Variants in PHF24 observed in about 807,000 individuals in gnomAD.
PHF24 encodes Galpha inhibitory interacting protein.
PHF24 carries 25 observed loss-of-function variants against 42.6 expected under a neutral mutation model. The observed-to-expected ratio is 0.59, with a 90% CI of 0.43 to 0.82. PHF24 has a LOEUF of 0.82. Ranked by LOEUF, PHF24 falls within the 40% of genes least tolerant of loss-of-function variation. The pLI is 0.00. For synonymous variants in PHF24, 185 were observed against 204.8 expected (o/e 0.90, Z 0.83); for missense variants, 470 against 538.1 (o/e 0.87, Z 1.25).
At chr9:34,691,420 G>A in the PHF24 span, 2 of 452,582 alleles carry the variant, frequency 4.4e-6, no homozygotes, top group Non-Finnish European at 8.0e-6. Flanking sequence ...TCCCCCTGCG[G>A]TTGCCCTTTC....
chr9:34,724,839 C>T, the PHF24 span: 1 of 1,548,610 alleles, frequency 6.5e-7, no homozygotes, highest in Non-Finnish European at 8.7e-7. Context: ...ACTGCCGGGG[C>T]CAGGGCCCTG....
chr9:34,734,398 A>G, the PHF24 span, among the ~76,000 whole-genome samples: 1 of 152,220 alleles, frequency 6.6e-6, no homozygotes, highest in African/African-American at 2.4e-5. Context: ...TTCACAAGAA[A>G]GACTGGGGGT....
the PHF24 span, among the ~76,000 whole-genome samples, chr9:34,765,820 A>G: frequency 2.6e-4 from 40 of 151,948 alleles, no homozygotes; most frequent in African/African-American, 9.4e-4. Flanking sequence ...ATTTGGCATG[A>G]TTTTGCAGTG....
At chr9:34,720,952 G>A in the PHF24 span, among the ~76,000 whole-genome samples, 8 of 152,060 alleles carry the variant, frequency 5.3e-5, no homozygotes, top group African/African-American at 1.9e-4. Context: ...TCCCGCTTTG[G>A]TTCTCCATAC....
At chr9:34,690,265 C>T in the PHF24 span, 7 of 1,614,004 alleles carry the variant, frequency 4.3e-6, no homozygotes, top group South Asian at 1.1e-5. Flanking sequence ...AAGTTCCTCA[C>T]GATGTACCCA....
At chr9:34,935,774 C>A in the PHF24 span, among the ~76,000 whole-genome samples, 4 of 151,270 alleles carry the variant, frequency 2.6e-5, no homozygotes, top group African/African-American at 9.7e-5. Flanking sequence ...AACAGTATCT[C>A]ACAACATATT....
chr9:34,685,331 ACTC>A, the PHF24 span, among the ~76,000 whole-genome samples: 57 of 151,360 alleles, frequency 3.8e-4, no homozygotes, highest in Non-Finnish European at 6.6e-4. Context: ...CCCCTTCTCT[ACTC>A]CTCTGTTGTT....
the PHF24 span, among the ~76,000 whole-genome samples, chr9:34,686,989 G>T: frequency 6.6e-6 from 1 of 152,058 alleles, no homozygotes; most frequent in Non-Finnish European, 1.5e-5. Context: ...TGCTCAGATT[G>T]CTGGGCAATT....
the PHF24 span, among the ~76,000 whole-genome samples, chr9:34,912,367 C>G: frequency 1.3e-5 from 2 of 152,162 alleles, no homozygotes; most frequent in Admixed American, 1.3e-4. Flanking sequence ...AACTCCAACT[C>G]TCTACGAAAG....
chr9:34,667,306 C>T, the PHF24 span, among the ~76,000 whole-genome samples: 2 of 152,174 alleles, frequency 1.3e-5, no homozygotes, highest in Non-Finnish European at 2.9e-5. Flanking sequence ...CCTCTTCTCT[C>T]CCTCATCCCA....
At chr9:34,978,298 C>T in exon 8 of PHF24, 1 of 554,370 alleles carries the variant, frequency 1.8e-6, no homozygotes, top group Non-Finnish European at 3.3e-6. Context: ...GAATGCATTG[C>T]CACAAGGAGA....
At chr9:34,804,443 G>A in the PHF24 span, among the ~76,000 whole-genome samples, 2 of 152,184 alleles carry the variant, frequency 1.3e-5, no homozygotes, top group African/African-American at 4.8e-5. Flanking sequence ...TGTGAAATTA[G>A]AATTTCAGCA....
the PHF24 span, among the ~76,000 whole-genome samples, chr9:34,716,555 T>TTTTGC: frequency 7.4e-6 from 1 of 134,308 alleles, no homozygotes; most frequent in Non-Finnish European, 1.6e-5. Context: ...TTTTTGTTTG[T>TTTTGC]TTTGTTTTGC....
chr9:34,681,826 GA>G, the PHF24 span, among the ~76,000 whole-genome samples: 45 of 152,040 alleles, frequency 3.0e-4, no homozygotes, highest in African/African-American at 9.2e-4. Context: ...AGAAGAAGAA[GA>G]AAAAAAAAGG....
At chr9:34,734,020 G>A in the PHF24 span, among the ~76,000 whole-genome samples, 1 of 152,202 alleles carries the variant, frequency 6.6e-6, no homozygotes, top group South Asian at 2.1e-4. Flanking sequence ...AAGGAAAGTT[G>A]GAAGTAGCAT....
the PHF24 span, among the ~76,000 whole-genome samples, chr9:34,947,207 C>A: frequency 1.3e-5 from 2 of 152,206 alleles, no homozygotes; most frequent in African/African-American, 2.4e-5. Context: ...CAACAAGTGA[C>A]CTTCCTTTAG....
chr9:34,749,601 A>AT, the PHF24 span, among the ~76,000 whole-genome samples: 1 of 68,466 alleles, frequency 1.5e-5, no homozygotes. Context: ...CTTGTTATTC[A>AT]TTCTTTTTTT....
the PHF24 span, among the ~76,000 whole-genome samples, chr9:34,897,255 ACC>A: frequency 6.6e-6 from 1 of 152,204 alleles, no homozygotes; most frequent in Non-Finnish European, 1.5e-5. Flanking sequence ...TACGTGCTTA[ACC>A]CTAAGTTGGG....
At chr9:34,703,660 C>T in the PHF24 span, among the ~76,000 whole-genome samples, 1 of 114,814 alleles carries the variant, frequency 8.7e-6, no homozygotes, top group African/African-American at 2.7e-5. Flanking sequence ...TTGTAGGCTA[C>T]TTTGCCTATG....
Sources: allele counts gnomAD v4.1 joint callset (sites outside exome capture counted in the v4.1 genomes callset), GRCh38; gene constraint gnomAD v4.1.1; transcripts MANE v1.5; gene names NCBI Gene and HGNC (gene_info 2026-07-23, HGNC 2026-07-21).